Variants in HOXA3 observed in about 807,000 individuals in gnomAD.
HOXA3 encodes homeobox A3.
In HOXA3, 8 loss-of-function variants were observed where a neutral mutation model predicts 30.3. The ratio of observed to expected loss-of-function variants is 0.26; its 90% CI spans 0.15 to 0.48. The LOEUF is 0.48. HOXA3 is among the 20% of genes least tolerant of loss of function. HOXA3 has a pLI of 0.99. For missense variants in HOXA3, 653 were observed against 614.4 expected, an observed-to-expected ratio of 1.06 and a Z score of -0.66; for synonymous variants, 323 against 273.1, an observed-to-expected ratio of 1.18 and a Z score of -1.80.
intron 1 of HOXA3, chr7:27,142,757 G>A (rs1367703303): frequency 9.9e-6 from 4 of 402,512 alleles, no homozygotes; most frequent in Non-Finnish European, 1.7e-5. Context: ...GGCCTGACCC[G>A]GGAGCGCGTC....
chr7:27,129,239 G>A (rs17500757), intron 2 of HOXA3: 1 of 1,542,306 alleles, frequency 6.5e-7, no homozygotes, highest in Non-Finnish European at 9.0e-7. Context: ...ATGGAGGAGG[G>A]AACGGGTGTG....
At position 27,143,647 on chromosome 7, in the gene HOXA3, C is replaced by A; in HGVS notation, c.-493-3461G>T. 2.6e-6 allele frequency: 4 copies of A among 1,552,460 alleles called. No individual in the cohort carries two copies. The South Asian group carries it at 5.0e-5, about 19-fold the overall frequency. ...GTGTGCTTGATTTGTGGCTCGCGGTCGTTTGTGCGTCTATAGCACCCTTGC... is the reference window on the plus strand; with the variant it reads ...GTGTGCTTGATTTGTGGCTCGCGGTAGTTTGTGCGTCTATAGCACCCTTGC... On this transcript the variant is annotated intron_variant, in intron 1 of 5. Transcript: ENST00000612286.
At chr7:27,139,864 G>T (rs1315482764) in intron 2 of HOXA3, among the ~76,000 whole-genome samples, 1 of 152,184 alleles carries the variant, frequency 6.6e-6, no homozygotes, top group African/African-American at 2.4e-5. Context: ...ATTAAAGTTA[G>T]GCCTGGGGAT....
intron 1 of HOXA3, chr7:27,141,665 A>C (rs1210597132): frequency 8.0e-6 from 6 of 746,774 alleles, no homozygotes; most frequent in African/African-American, 3.5e-5. Flanking sequence ...AGATCTACTT[A>C]TACAGGCGCT....
At chr7:27,110,063 T>G in intron 5 of HOXA3, 52 bp downstream of exon 5, 1 of 1,610,604 alleles carries the variant, frequency 6.2e-7, no homozygotes, top group South Asian at 1.1e-5. Context: ...GGCAGTAGCT[T>G]GGGGACCAGG....
chr7:27,130,037 G>A, intron 2 of HOXA3: 1 of 1,461,238 alleles, frequency 6.8e-7, no homozygotes, highest in Non-Finnish European at 9.2e-7. Context: ...CTTCCCCTGA[G>A]CCTCTCCCTC....
intron 1 of HOXA3, among the ~76,000 whole-genome samples, chr7:27,140,695 G>A (rs1782532680): frequency 6.6e-6 from 1 of 152,186 alleles, no homozygotes; most frequent in Non-Finnish European, 1.5e-5. Context: ...GGAGGCCTAG[G>A]ACAGCCTTAG....
chr7:27,145,130 C>G (rs1782704614), intron 1 of HOXA3, among the ~76,000 whole-genome samples: 1 of 152,222 alleles, frequency 6.6e-6, no homozygotes, highest in Non-Finnish European at 1.5e-5. Context: ...GCTTGGGAGG[C>G]CGCGACAAGG....
chr7:27,115,386 A>C (rs1427685298), intron 4 of HOXA3: 1 of 152,230 alleles, frequency 6.6e-6, no homozygotes, highest in Non-Finnish European at 1.5e-5. Flanking sequence ...CTGGCCGCGT[A>C]GGAGGTGAGA....
chr7:27,123,477 G>T (rs893709012), intron 3 of HOXA3: 1 of 152,978 alleles, frequency 6.5e-6, no homozygotes, highest in African/African-American at 2.4e-5. Flanking sequence ...TCACCGAGCC[G>T]GCAGTCAGCT....
chr7:27,134,427 CTT>C (rs1259947254), intron 2 of HOXA3: 1 of 152,202 alleles, frequency 6.6e-6, no homozygotes, highest in Non-Finnish European at 1.5e-5. Context: ...TGCAAGTACT[CTT>C]TTCTTTTACT....
Position 27,152,406 on chromosome 7 carries a change from A to G in HOXA3, c.-612T>C. ...GACGCAGGAAATTAGCCAGGTTGCGAGTTGCAAAGCTGCTGCCGCGGCGCC... is the reference window on the plus strand; with the variant it reads ...GACGCAGGAAATTAGCCAGGTTGCGGGTTGCAAAGCTGCTGCCGCGGCGCC... On this transcript the variant is annotated 5_prime_UTR_variant, in exon 1 of 6. Coordinates refer to ENST00000612286, the MANE Select transcript of HOXA3 (RefSeq NM_153631.3). The G allele has an allele frequency of 2.6e-6, 3 of 1,164,868 alleles. No individual in the cohort carries two copies. Among genetic ancestry groups the G allele is most frequent in the Non-Finnish European group, 3.2e-6 (3 of 926,912 alleles). 72.2% of individuals were successfully genotyped at this position (1,164,868 alleles called of 1,614,324 possible).
rs116437556 is a variant in HOXA3 at position 27,112,096 on chromosome 7, A to G, written c.-120-1336T>C. On this transcript the variant is annotated intron_variant, in intron 4 of 5. Coordinates refer to ENST00000612286, the MANE Select transcript of HOXA3 (RefSeq NM_153631.3). ...TTAGAAAGCAGTTTGCAAAAGTTAAATCTGTTTTCTTTTTGTTTTCAACCA... is the reference window on the plus strand; with the variant it reads ...TTAGAAAGCAGTTTGCAAAAGTTAAGTCTGTTTTCTTTTTGTTTTCAACCA... Among the ~76,000 whole-genome samples the G allele has an allele frequency of 9.7e-3, 1,485 of 152,312 alleles. 25 individuals are homozygous for G. The highest frequency in any genetic ancestry group is 0.034 in the African/African-American group (1,410 of 41,558).
intron 3 of HOXA3, chr7:27,123,959 A>G (rs1170478607): frequency 6.6e-6 from 1 of 152,264 alleles, no homozygotes; most frequent in Non-Finnish European, 1.5e-5. Flanking sequence ...TGGCATGACC[A>G]TGAGCAAGGT....
intron 4 of HOXA3, among the ~76,000 whole-genome samples, chr7:27,118,734 G>A (rs534208223): frequency 1.4e-4 from 22 of 152,294 alleles, no homozygotes; most frequent in Middle Eastern, 3.4e-3. Context: ...GCACACCCAT[G>A]CACCCCAGTC....
chr7:27,151,258 C>G (rs568923471), intron 1 of HOXA3: 48 of 203,356 alleles, frequency 2.4e-4, no homozygotes, highest in Admixed American at 1.4e-3. Context: ...CGGGGCAAAT[C>G]TGGTCTGATG....
chr7:27,145,264 G>T (rs1229856775), intron 1 of HOXA3: 3 of 219,924 alleles, frequency 1.4e-5, no homozygotes, highest in Non-Finnish European at 2.7e-5. Context: ...CTCGGCCCAG[G>T]GCTCTTTCCT....
chr7:27,122,051 A>T (rs1014800065), intron 4 of HOXA3: 5 of 152,684 alleles, frequency 3.3e-5, no homozygotes, highest in African/African-American at 1.2e-4. Flanking sequence ...AATTTTTCTC[A>T]TGCCGAAGGA....
intron 1 of HOXA3, chr7:27,143,428 G>C: frequency 6.2e-7 from 1 of 1,612,744 alleles, no homozygotes; most frequent in East Asian, 2.2e-5. Flanking sequence ...AGTGGCCGGA[G>C]CCCGAGCGGC....
Sources: gnomAD v4.1 joint callset for allele counts (sites outside exome capture counted in the v4.1 genomes callset) on GRCh38, gnomAD v4.1.1 for gene constraint, MANE v1.5 for transcripts, NCBI Gene and HGNC (gene_info 2026-07-23, HGNC 2026-07-21) for gene names.